EFNB2: variants seen among roughly 807,000 people sequenced by gnomAD.
EFNB2 encodes ephrin-B2.
Under a neutral mutation model 32.1 loss-of-function variants are expected in EFNB2, and 5 were observed. The ratio of observed to expected loss-of-function variants is 0.16; its 90% CI spans 0.08 to 0.33. EFNB2 has a LOEUF of 0.33. Among genes scored for constraint, EFNB2 ranks in the 10% least tolerant of loss-of-function variants. EFNB2 has a pLI of 1.00. For missense variants in EFNB2, 263 were observed against 422.6 expected, an observed-to-expected ratio of 0.62 and a Z score of 3.31; for synonymous variants, 168 against 166.5, an observed-to-expected ratio of 1.01 and a Z score of -0.07.
chr13:106,490,723 C>T lies in EFNB2; in HGVS notation c.*2317G>A, dbSNP rs1566452564. On this transcript the variant is annotated 3_prime_UTR_variant, in exon 5 of 5. Coordinates refer to ENST00000646441, the MANE Select transcript of EFNB2 (RefSeq NM_004093.4). ...TACTGTGGCTGGTTACCATGGCAACCCTCCACAGAAATATGATATAGATAT... is the reference window on the plus strand; with the variant it reads ...TACTGTGGCTGGTTACCATGGCAACTCTCCACAGAAATATGATATAGATAT... The T allele has an allele frequency of 6.6e-6, 1 of 151,584 alleles. No individual in the cohort carries two copies. Among genetic ancestry groups the T allele is most frequent in the African/African-American group, 2.4e-5 (1 of 41,228 alleles). The allele number at this position is 151,584 out of a possible 1,614,324, so 9.4% of individuals were successfully genotyped here.
intron 1 of EFNB2, among the ~76,000 whole-genome samples, chr13:106,525,347 C>G (rs753974380): frequency 6.6e-6 from 1 of 152,142 alleles, no homozygotes; most frequent in Admixed American, 6.5e-5. Context: ...ACTGTCTCTG[C>G]GAAACTGAAT....
At chr13:106,517,105 A>G (rs1365375535) in intron 1 of EFNB2, 1 of 152,224 alleles carries the variant, frequency 6.6e-6, no homozygotes, top group Non-Finnish European at 1.5e-5. Context: ...TCTATGCCCT[A>G]AATATTTTGT....
chr13:106,509,644 T>G (rs1178451289), intron 2 of EFNB2, among the ~76,000 whole-genome samples: 1 of 150,932 alleles, frequency 6.6e-6, no homozygotes, highest in Non-Finnish European at 1.5e-5. Flanking sequence ...TGTGTGTGTG[T>G]GTGTGTGTGT....
rs1382907562 is a variant in EFNB2, at chr13:106,490,667, G to C, written c.*2373C>G. ...CTCTTGCATGAATGCACAGAAAGGA[G>C]AGGTTGGGGTGATGGAAAGAATTAC... On this transcript the variant is annotated 3_prime_UTR_variant, in exon 5 of 5. Coordinates refer to ENST00000646441, the MANE Select transcript of EFNB2 (RefSeq NM_004093.4). The C allele has an allele frequency of 6.6e-6, 1 of 152,058 alleles. No individual in the cohort carries two copies. The highest frequency in any genetic ancestry group is 2.4e-5 in the African/African-American group (1 of 41,390). 9.4% of individuals were successfully genotyped at this position (152,058 alleles called of 1,614,324 possible). A position where few individuals can be genotyped will look rare whatever the true frequency, so the allele number is the denominator to read the frequency against.
chr13:106,512,794 T>C lies in EFNB2; in HGVS notation c.141A>G (p.Gly47=), dbSNP rs1363281711. 1.3e-6 allele frequency: 2 copies of C among 1,579,950 alleles called. No individual in the cohort carries two copies. The highest frequency in any genetic ancestry group is 1.7e-6 in the Non-Finnish European group (2 of 1,161,458). ...CTCCTATCTGTGGGTATAGTACCAG[T>C]CCTTGTCCAGGTAGAAATCTAAAAG... ...SSNSKFLPGQ[G]LVLYPQIGDK... The change falls in exon 2 of 5, where the codon GGA becomes GGG. Residue 47 remains glycine (G), a synonymous_variant. Coordinates refer to ENST00000646441, the MANE Select transcript of EFNB2 (RefSeq NM_004093.4).
intron 1 of EFNB2, 119 bp from the exon 2 acceptor site, chr13:106,512,931 T>A: frequency 1.2e-6 from 1 of 842,458 alleles, no homozygotes; most frequent in South Asian, 2.5e-5. Flanking sequence ...ATTCACACTT[T>A]AATTTATCAA....
chr13:106,504,046 G>A (rs1878868445), intron 2 of EFNB2, among the ~76,000 whole-genome samples: 1 of 152,196 alleles, frequency 6.6e-6, no homozygotes, highest in African/African-American at 2.4e-5. Context: ...AGAAGCAGGT[G>A]TTTGAGTGAA....
At position 106,493,185 on chromosome 13, in the gene EFNB2, G is replaced by A; in HGVS notation, c.857C>T (p.Pro286Leu). The A allele has an allele frequency of 3.1e-6, 5 of 1,614,228 alleles. No individual in the cohort carries two copies. Among genetic ancestry groups the A allele is most frequent in the Non-Finnish European group, 4.2e-6 (5 of 1,180,042 alleles). The part of the protein sequence containing the change: ...KRSGNNNGSE[P>L]SDIIIPLRTA... ...CCTTAGCGGGATGATAATGTCACTG[G>A]GCTCTGAGCCGTTGTTGTTGCCGCT... Residue 286 changes from proline (P) to leucine (L), a missense_variant, in exon 5 of 5, where the codon CCC becomes CTC. Physicochemically the swap from Pro to Leu is moderately conservative, Grantham distance 98. Coordinates refer to ENST00000646441, the MANE Select transcript of EFNB2 (RefSeq NM_004093.4). This position sits in a 1 kb window ranked among gnomAD's most constrained non-coding sequence, Gnocchi z 6.1.
intron 2 of EFNB2, among the ~76,000 whole-genome samples, chr13:106,499,712 T>C (rs1320665349): frequency 6.6e-6 from 1 of 152,058 alleles, no homozygotes; most frequent in African/African-American, 2.4e-5. Context: ...TTCCCTTGGC[T>C]CAGGAAAAAA....
At chr13:106,515,534 G>A (rs1879283921) in intron 1 of EFNB2, among the ~76,000 whole-genome samples, 1 of 152,154 alleles carries the variant, frequency 6.6e-6, no homozygotes, top group Non-Finnish European at 1.5e-5. Context: ...CAAAACGTGA[G>A]GCAAGAATTT....
intron 1 of EFNB2, among the ~76,000 whole-genome samples, chr13:106,515,338 C>T (rs1879277782): frequency 6.6e-6 from 1 of 152,176 alleles, no homozygotes; most frequent in Non-Finnish European, 1.5e-5. Flanking sequence ...TACTGTCCAA[C>T]TTTGTTAAAA....
intron 2 of EFNB2, among the ~76,000 whole-genome samples, chr13:106,507,737 T>C (rs1182480811): frequency 6.6e-6 from 1 of 152,188 alleles, no homozygotes; most frequent in Non-Finnish European, 1.5e-5. Context: ...TGCCAAGGCA[T>C]GGAGAGTGAG....
intron 2 of EFNB2, among the ~76,000 whole-genome samples, chr13:106,500,248 T>C (rs1171190948): frequency 6.6e-6 from 1 of 152,204 alleles, no homozygotes; most frequent in Admixed American, 6.6e-5. Context: ...ACATCTTGGC[T>C]GTGTTTAGTC....
intron 1 of EFNB2, among the ~76,000 whole-genome samples, chr13:106,515,309 A>T (rs1038287680): frequency 6.6e-6 from 1 of 152,158 alleles, no homozygotes; most frequent in Non-Finnish European, 1.5e-5. Context: ...TCCTTGATGT[A>T]AAGTTTTCAT....
intron 1 of EFNB2, 56 bp downstream of exon 1, chr13:106,534,787 G>A (rs927318541): frequency 9.0e-6 from 14 of 1,554,552 alleles, no homozygotes; most frequent in East Asian, 2.4e-5. Flanking sequence ...CCTCCCGCCC[G>A]GACGGCGCGG....
intron 1 of EFNB2, among the ~76,000 whole-genome samples, chr13:106,534,100 G>T (rs1879973932): frequency 6.6e-6 from 1 of 152,188 alleles, no homozygotes; most frequent in Non-Finnish European, 1.5e-5. Flanking sequence ...AGCTTTTATA[G>T]GAAGTGCATT....
chr13:106,494,028 C>T (rs9555252), intron 4 of EFNB2, among the ~76,000 whole-genome samples: 40,715 of 152,170 alleles, frequency 0.27, 5,786 homozygotes, highest in East Asian at 0.43. Flanking sequence ...GAACAGACTG[C>T]CAGCCCAAAT....
chr13:106,524,384 T>C (rs1409241949), intron 1 of EFNB2, among the ~76,000 whole-genome samples: 1 of 152,248 alleles, frequency 6.6e-6, no homozygotes, highest in East Asian at 1.9e-4. Context: ...CCAGACTAGC[T>C]GGGTTTAAAT....
At chr13:106,508,840 G>A (rs1879042965) in intron 2 of EFNB2, among the ~76,000 whole-genome samples, 1 of 152,064 alleles carries the variant, frequency 6.6e-6, no homozygotes, top group South Asian at 2.1e-4. Flanking sequence ...TCTCCTAAGG[G>A]GACTTAGTTA....
Sources: allele counts gnomAD v4.1 joint callset (sites outside exome capture counted in the v4.1 genomes callset), GRCh38; gene constraint gnomAD v4.1.1; non-coding constraint Gnocchi (gnomAD v3.1); transcripts MANE v1.5; gene names NCBI Gene and HGNC (gene_info 2026-07-23, HGNC 2026-07-21).